ERC1: variants seen among roughly 807,000 people sequenced by gnomAD.
ERC1 encodes ELKS/RAB6-interacting/CAST family member 1.
Under a neutral mutation model 132.0 loss-of-function variants are expected in ERC1, and 56 were observed. The ratio of observed to expected loss-of-function variants is 0.42; its 90% confidence interval spans 0.34 to 0.53. The LOEUF (loss-of-function observed/expected upper bound fraction) is 0.53, where lower values mean the gene tolerates loss of function less well. Ranked by LOEUF, ERC1 falls within the 20% of genes least tolerant of loss-of-function variation. ERC1 has a pLI of 0.03. For synonymous variants in ERC1, 478 were observed against 476.1 expected (o/e 1.00, Z -0.05); for missense variants, 1,202 against 1,349.9 (o/e 0.89, Z 1.72).
chr12:1,206,105 AAT>A (rs937678172), intron 12 of ERC1, among the ~76,000 whole-genome samples: 3 of 152,154 alleles, frequency 2.0e-5, no homozygotes, highest in African/African-American at 2.4e-5. Flanking sequence ...TACAAAATAA[AAT>A]AGTCATTGTT....
intron 16 of ERC1, among the ~76,000 whole-genome samples, chr12:1,389,452 C>T (rs1465128731): frequency 6.6e-6 from 1 of 152,202 alleles, no homozygotes; most frequent in Non-Finnish European, 1.5e-5. Context: ...CCATTCTTTT[C>T]ATCCTTACAG....
chr12:1,457,365 A>G (rs2093560038), intron 18 of ERC1, among the ~76,000 whole-genome samples: 1 of 152,218 alleles, frequency 6.6e-6, no homozygotes, highest in Non-Finnish European at 1.5e-5. Context: ...ATGGGTCCTC[A>G]TAAAGAATCT....
chr12:1,213,984 A>G (rs1290613220), intron 12 of ERC1, among the ~76,000 whole-genome samples: 1 of 152,174 alleles, frequency 6.6e-6, no homozygotes, highest in Non-Finnish European at 1.5e-5. Flanking sequence ...GGGTACTTAC[A>G]TCATTGGATA....
At chr12:1,001,197 G>A (rs982444647) in intron 1 of ERC1, among the ~76,000 whole-genome samples, 1 of 152,006 alleles carries the variant, frequency 6.6e-6, no homozygotes, top group Non-Finnish European at 1.5e-5. Flanking sequence ...CCACACTGCC[G>A]GTGCTTGCCA....
chr12:1,092,339 A>T (rs929128034), intron 3 of ERC1, among the ~76,000 whole-genome samples: 8 of 152,138 alleles, frequency 5.3e-5, no homozygotes, highest in African/African-American at 1.9e-4. Context: ...CCCTGTTTTA[A>T]CAATGAAATT....
chr12:1,440,353 C>A (rs188613406), intron 17 of ERC1, among the ~76,000 whole-genome samples: 1 of 149,554 alleles, frequency 6.7e-6, no homozygotes, highest in Non-Finnish European at 1.5e-5. Context: ...TACAGACGCC[C>A]GCCACCACGC....
intron 8 of ERC1, among the ~76,000 whole-genome samples, chr12:1,143,702 T>C (rs11837654): frequency 0.043 from 6,460 of 151,970 alleles, 440 homozygotes; most frequent in African/African-American, 0.15. Flanking sequence ...TTTGTAGTTA[T>C]TAATTTATAG....
chr12:1,293,331 T>C (rs186037748), intron 15 of ERC1, among the ~76,000 whole-genome samples: 2,383 of 145,174 alleles, frequency 0.016, 32 homozygotes, highest in East Asian at 0.041. Flanking sequence ...CGGGCGCCTG[T>C]AGTCCCAGCT....
intron 15 of ERC1, among the ~76,000 whole-genome samples, chr12:1,337,224 G>A (rs1342753265): frequency 6.6e-6 from 1 of 151,976 alleles, no homozygotes. Flanking sequence ...CTGAATCCGG[G>A]TGCTCCTGTG....
At chr12:1,236,681 T>A in intron 12 of ERC1, 88 bp from the exon 13 acceptor site, 1 of 1,335,292 alleles carries the variant, frequency 7.5e-7, no homozygotes, top group African/African-American at 1.5e-5. Flanking sequence ...CAGCCATTCC[T>A]TATTGTCACT....
At chr12:1,313,802 T>G (rs2081492823) in intron 15 of ERC1, among the ~76,000 whole-genome samples, 1 of 151,956 alleles carries the variant, frequency 6.6e-6, no homozygotes, top group Non-Finnish European at 1.5e-5. Context: ...CTGGCCAACA[T>G]GGTGAAACCC....
Position 991,256 on chromosome 12 carries a change from C to CGGCGGT in ERC1, c.-222_-217dup. 1 of 166,078 alleles carries CGGCGGT rather than the reference C, an allele frequency of 6.0e-6. No individual in the cohort carries two copies. The highest frequency in any genetic ancestry group is 1.8e-4 in the East Asian group (1 of 5,668). 10.3% of individuals were successfully genotyped at this position (166,078 alleles called of 1,614,324 possible). A position where few individuals can be genotyped will look rare whatever the true frequency, so the allele number is the denominator to read the frequency against. On this transcript the variant is annotated 5_prime_UTR_variant, in exon 1 of 19. Coordinates refer to ENST00000360905, the MANE Select transcript of ERC1 (RefSeq NM_178040.4). ...CTGGGCCGTGCTGTGGCGGCGGCGG[C>CGGCGGT]GGCGGTAGTGGCGGCGGCGGCGGTG...
intron 12 of ERC1, among the ~76,000 whole-genome samples, chr12:1,225,475 C>CACAG (rs2074505267): frequency 1.3e-5 from 2 of 151,668 alleles, no homozygotes; most frequent in African/African-American, 4.9e-5. Flanking sequence ...CACACACACA[C>CACAG]ACACACACAC....
intron 7 of ERC1, among the ~76,000 whole-genome samples, chr12:1,138,217 AAT>A (rs888967010): frequency 1.8e-5 from 2 of 113,358 alleles, no homozygotes; most frequent in African/African-American, 3.6e-5. Context: ...TATATTATAT[AAT>A]ATATATCATG....
At chr12:1,002,730 G>T (rs1398332011) in intron 1 of ERC1, among the ~76,000 whole-genome samples, 3 of 152,118 alleles carry the variant, frequency 2.0e-5, no homozygotes, top group Non-Finnish European at 4.4e-5. Context: ...TGGATTTGTA[G>T]TAGTATCTCT....
intron 12 of ERC1, among the ~76,000 whole-genome samples, chr12:1,211,136 C>A (rs1216034188): frequency 1.3e-5 from 2 of 152,102 alleles, no homozygotes; most frequent in East Asian, 3.9e-4. Flanking sequence ...CAAATGCAAT[C>A]TTTTAAATTG....
intron 18 of ERC1, among the ~76,000 whole-genome samples, chr12:1,465,143 C>T (rs1174595800): frequency 1.3e-5 from 2 of 152,036 alleles, no homozygotes; most frequent in African/African-American, 2.4e-5. Flanking sequence ...GGTCTGTCAT[C>T]GCCAGTGTCA....
intron 15 of ERC1, among the ~76,000 whole-genome samples, chr12:1,371,482 G>A (rs1458902200): frequency 6.6e-6 from 1 of 152,048 alleles, no homozygotes; most frequent in Non-Finnish European, 1.5e-5. Context: ...TCAAAATGGG[G>A]GTACTGATAA....
intron 2 of ERC1, among the ~76,000 whole-genome samples, chr12:1,060,883 G>T (rs1420469975): frequency 6.9e-6 from 1 of 145,240 alleles, no homozygotes; most frequent in Non-Finnish European, 1.6e-5. Flanking sequence ...CCACCACCAC[G>T]CCTGGCTAAT....
Sources: gnomAD v4.1 joint callset for allele counts (sites outside exome capture counted in the v4.1 genomes callset) on GRCh38, gnomAD v4.1.1 for gene constraint, MANE v1.5 for transcripts, NCBI Gene and HGNC (gene_info 2026-07-23, HGNC 2026-07-21) for gene names.